The following PRKG1 variants were observed in gnomAD, a reference collection of about 807,000 sequenced individuals.
PRKG1 encodes protein kinase cGMP-dependent 1, also known as cGMP-dependent protein kinase 1.
PRKG1 carries 35 observed loss-of-function variants against 88.1 expected under a neutral mutation model. The ratio of observed to expected loss-of-function variants is 0.40; its 90% CI spans 0.30 to 0.53. The LOEUF (loss-of-function observed/expected upper bound fraction) is 0.53. Ranked by LOEUF, PRKG1 falls within the 20% of genes least tolerant of loss-of-function variation. The probability of loss-of-function intolerance (pLI) is 0.59; values close to 1 mark genes in which losing one functional copy is unlikely to be tolerated. For synonymous variants in PRKG1, 303 were observed against 292.5 expected (o/e 1.04, Z -0.37); for missense variants, 540 against 839.8 (o/e 0.64, Z 4.41).
intron 1 of PRKG1, among the ~76,000 whole-genome samples, chr10:51,147,184 A>G (rs781344420): frequency 1.7e-4 from 26 of 152,310 alleles, no homozygotes; most frequent in Admixed American, 3.9e-4. Flanking sequence ...ATAAAAAATT[A>G]TAGCTACATA....
At chr10:51,313,034 G>C (rs1478230718) in intron 2 of PRKG1, among the ~76,000 whole-genome samples, 1 of 150,648 alleles carries the variant, frequency 6.6e-6, no homozygotes, top group African/African-American at 2.4e-5. Context: ...GATAAAGAAA[G>C]ATATTTAAAG....
At chr10:51,646,211 G>A (rs901528675) in intron 3 of PRKG1, among the ~76,000 whole-genome samples, 24 of 152,068 alleles carry the variant, frequency 1.6e-4, no homozygotes, top group African/African-American at 5.1e-4. Flanking sequence ...CAATCTTGAC[G>A]CTATTAGTAC....
intron 7 of PRKG1, among the ~76,000 whole-genome samples, chr10:52,081,211 C>T (rs10762553): frequency 0.57 from 86,425 of 151,988 alleles, 26,144 homozygotes; most frequent in East Asian, 0.83. Context: ...TAATGTGGTA[C>T]AATAAAAAAT....
At chr10:51,249,956 A>G (rs1168018267) in intron 2 of PRKG1, among the ~76,000 whole-genome samples, 1 of 151,846 alleles carries the variant, frequency 6.6e-6, no homozygotes, top group Non-Finnish European at 1.5e-5. Context: ...GATGCTTCAT[A>G]GCTTAGAACA....
intron 4 of PRKG1, among the ~76,000 whole-genome samples, chr10:51,850,408 C>T (rs1405535406): frequency 6.6e-6 from 1 of 152,074 alleles, no homozygotes; most frequent in African/African-American, 2.4e-5. Context: ...AATTCCTGAC[C>T]TCAGATGATC....
chr10:51,781,407 A>G (rs1011843171), intron 3 of PRKG1, among the ~76,000 whole-genome samples: 9 of 152,132 alleles, frequency 5.9e-5, no homozygotes, highest in African/African-American at 1.9e-4. Context: ...GAGGGAAATT[A>G]TAGCAAGTGC....
intron 2 of PRKG1, among the ~76,000 whole-genome samples, chr10:51,431,458 CTCAG>C (rs1289446475): frequency 2.6e-5 from 4 of 152,298 alleles, no homozygotes; most frequent in Admixed American, 6.5e-5. Context: ...AGAGGCAGTC[CTCAG>C]TTGTCTGATA....
chr10:51,834,662 A>C (rs968384375), intron 4 of PRKG1, among the ~76,000 whole-genome samples: 2 of 149,252 alleles, frequency 1.3e-5, no homozygotes, highest in African/African-American at 5.1e-5. Context: ...GAAAGAAAGA[A>C]GGAAAGAAAG....
At chr10:51,497,995 A>C (rs1424356265) in intron 3 of PRKG1, among the ~76,000 whole-genome samples, 1 of 152,134 alleles carries the variant, frequency 6.6e-6, no homozygotes, top group East Asian at 1.9e-4. Flanking sequence ...TTATCTCTCA[A>C]GTCTGATTCT....
chr10:51,816,114 G>A (rs1163015527), intron 4 of PRKG1, among the ~76,000 whole-genome samples: 1 of 152,158 alleles, frequency 6.6e-6, no homozygotes, highest in Admixed American at 6.5e-5. Flanking sequence ...ATTTTACTAA[G>A]GCATTTCCAT....
In PRKG1 at chr10:52,089,784, A is replaced by G. The variant is rs557224729; in HGVS notation, c.935+27153A>G. 5.2e-5 allele frequency among the ~76,000 whole-genome samples: 7 copies of G among 134,396 alleles called. No homozygotes were observed. The East Asian group carries it at 1.8e-3, about 34-fold the overall frequency. 88.2% of individuals were successfully genotyped at this position (134,396 alleles called of 152,430 possible). A position where few individuals can be genotyped will look rare whatever the true frequency, so the allele number is the denominator to read the frequency against. On this transcript the variant is annotated intron_variant, in intron 7 of 17. Transcript: ENST00000373980. The stretch of plus-strand genomic sequence containing the variant: ...CAACCAACCAACACATCTAGGGCTT[A>G]GATTATTGTTTCTTTCCTTCTTTTT...
At chr10:52,038,534 C>T (rs554564259) in intron 5 of PRKG1, among the ~76,000 whole-genome samples, 10 of 151,894 alleles carry the variant, frequency 6.6e-5, no homozygotes, top group East Asian at 3.9e-4. Flanking sequence ...TCTAGAAAAG[C>T]GGGACTTGCC....
At chr10:52,032,271 T>C (rs1845493215) in intron 5 of PRKG1, among the ~76,000 whole-genome samples, 1 of 152,226 alleles carries the variant, frequency 6.6e-6, no homozygotes, top group Admixed American at 6.5e-5. Flanking sequence ...GTTTGTAAGA[T>C]TAGTAGAAAA....
intron 2 of PRKG1, among the ~76,000 whole-genome samples, chr10:51,221,348 GTAT>G (rs1192322553): frequency 1.3e-5 from 2 of 151,870 alleles, no homozygotes; most frequent in African/African-American, 2.4e-5. Context: ...AATTATCTCT[GTAT>G]TATTATGTCA....
intron 3 of PRKG1, among the ~76,000 whole-genome samples, chr10:51,561,098 A>T (rs1211636749): frequency 6.6e-6 from 1 of 151,536 alleles, no homozygotes; most frequent in East Asian, 1.9e-4. Flanking sequence ...AAGAAGAAAA[A>T]GAAAAGAAAA....
intron 5 of PRKG1, among the ~76,000 whole-genome samples, chr10:52,011,802 G>T (rs1844887732): frequency 6.6e-6 from 1 of 152,130 alleles, no homozygotes; most frequent in Non-Finnish European, 1.5e-5. Flanking sequence ...TTGTGGGAGG[G>T]ACTCAGTGGG....
chr10:51,533,596 G>A (rs1023355586), intron 3 of PRKG1, among the ~76,000 whole-genome samples: 19 of 138,166 alleles, frequency 1.4e-4, no homozygotes, highest in Admixed American at 3.9e-4. Flanking sequence ...AGAAATCAGC[G>A]AACAATTCAA....
In PRKG1 at chr10:51,813,805, A is replaced by G. The variant is rs191405473; in HGVS notation, c.698+9115A>G. On this transcript the variant is annotated intron_variant, in intron 4 of 17. Coordinates refer to ENST00000373980, the MANE Select transcript of PRKG1 (RefSeq NM_006258.4). Reference sequence around the variant, plus strand: ...GGAGTACCTGGGTTTCCTATTCACCATATTTTTCTCTCTCAGTGCCCTCCT... The same window carrying G: ...GGAGTACCTGGGTTTCCTATTCACCGTATTTTTCTCTCTCAGTGCCCTCCT... 9.5e-4 allele frequency among the ~76,000 whole-genome samples: 145 copies of G among 152,170 alleles called. 4 individuals carry two copies. Among genetic ancestry groups the G allele is most frequent in the Admixed American group, 8.6e-3 (132 of 15,284 alleles).
chr10:51,429,516 GCAGA>G (rs1356832108), intron 2 of PRKG1, among the ~76,000 whole-genome samples: 1 of 152,092 alleles, frequency 6.6e-6, no homozygotes, highest in Non-Finnish European at 1.5e-5. Context: ...GTTAAACTTT[GCAGA>G]CAGAAACTTT....
Sources: gnomAD v4.1 joint callset for allele counts (sites outside exome capture counted in the v4.1 genomes callset) on GRCh38, gnomAD v4.1.1 for gene constraint, MANE v1.5 for transcripts, NCBI Gene and HGNC (gene_info 2026-07-23, HGNC 2026-07-21) for gene names.